VSX2: variants seen among roughly 807,000 people sequenced by gnomAD.
The protein encoded by VSX2 is ceh-10 homeo domain containing homolog.
Under a neutral mutation model 32.1 loss-of-function variants are expected in VSX2, and 28 were observed. The observed-to-expected ratio is 0.87, with a 90% CI of 0.65 to 1.20. VSX2 has a LOEUF of 1.20. Among genes scored for constraint, VSX2 ranks in the 50% most tolerant of loss-of-function variants. The pLI is 0.00. For missense variants in VSX2, 506 were observed against 488.7 expected (o/e 1.04, Z -0.33); for synonymous variants, 243 against 214.1 (o/e 1.14, Z -1.18).
chr14:74,250,926 C>T (rs1190447034), intron 3 of VSX2, among the ~76,000 whole-genome samples: 2 of 151,478 alleles, frequency 1.3e-5, no homozygotes, highest in East Asian at 3.9e-4. Flanking sequence ...AGATTACAGG[C>T]GTGAGCCACC....
rs2079136674 is a variant in VSX2 at position 74,239,787 on chromosome 14, A to C, written c.226A>C (p.Met76Leu). 1 of 1,562,806 alleles carries C rather than the reference A, an allele frequency of 6.4e-7. No individual in the cohort carries two copies. Among genetic ancestry groups the C allele is most frequent in the South Asian group, 1.2e-5 (1 of 84,994 alleles). The change falls in exon 1 of 5, where the codon ATG becomes CTG. Residue 76 changes from methionine to leucine, a missense_variant. Coordinates refer to ENST00000261980, the MANE Select transcript of VSX2 (RefSeq NM_182894.3). ...SVLSPAGVGGMGLLGPGGLPG... is the reference protein window; with the variant it reads ...SVLSPAGVGGLGLLGPGGLPG... ...GCTCAGCCCCGCGGGGGTGGGCGGC[A>C]TGGGGCTTCTGGGGCCCGGGGGGCT...
At chr14:74,241,974 C>G (rs1167301300) in intron 2 of VSX2, among the ~76,000 whole-genome samples, 2 of 151,708 alleles carry the variant, frequency 1.3e-5, no homozygotes, top group African/African-American at 4.9e-5. Context: ...TTGTTTTTGT[C>G]TTTAAATGGA....
At chr14:74,254,075 T>C (rs1392836706) in intron 3 of VSX2, among the ~76,000 whole-genome samples, 4 of 152,134 alleles carry the variant, frequency 2.6e-5, no homozygotes, top group Non-Finnish European at 5.9e-5. Flanking sequence ...TGTGTAGGTG[T>C]TCCCCTGTAC....
rs764789988 is a variant in VSX2 at position 74,239,794 on chromosome 14, T to C, written c.233T>C (p.Leu78Pro). 6.4e-7 allele frequency: 1 copy of C among 1,566,150 alleles called. No individual in the cohort carries two copies. The part of the protein sequence containing the change: ...LSPAGVGGMG[L>P]LGPGGLPGFY... ...CCCGCGGGGGTGGGCGGCATGGGGC[T>C]TCTGGGGCCCGGGGGGCTCCCTGGC... Residue 78 changes from leucine to proline, a missense_variant, in exon 1 of 5, where the codon CTT becomes CCT. Coordinates refer to ENST00000261980, the MANE Select transcript of VSX2 (RefSeq NM_182894.3).
chr14:74,260,150 G>A (rs1319057744), intron 4 of VSX2, among the ~76,000 whole-genome samples: 1 of 152,122 alleles, frequency 6.6e-6, no homozygotes, highest in Non-Finnish European at 1.5e-5. Flanking sequence ...GAACCCCTAG[G>A]TCCCTCTGGC....
intron 1 of VSX2, among the ~76,000 whole-genome samples, chr14:74,240,724 C>T (rs947559882): frequency 1.3e-5 from 2 of 152,212 alleles, no homozygotes; most frequent in Non-Finnish European, 2.9e-5. Flanking sequence ...CATTGTGCCG[C>T]CTTGCGAAAA....
rs989068746 is a variant in VSX2 at position 74,239,957 on chromosome 14, G to A, written c.370+26G>A. 1.3e-5 allele frequency: 20 copies of A among 1,548,420 alleles called. No homozygotes were observed. The African/African-American group carries it at 2.6e-4, about 20-fold the overall frequency. ...GTAGGTGAGGAGAGGTTGCGCTGCT[G>A]CCTGACTGGGGGGCGACAGCCGGGA... is the stretch of plus-strand genomic sequence containing the variant. On this transcript the variant is annotated intron_variant, in intron 1 of 4. Coordinates refer to ENST00000261980, the MANE Select transcript of VSX2 (RefSeq NM_182894.3).
chr14:74,248,347 A>C (rs1353260687), intron 3 of VSX2, among the ~76,000 whole-genome samples: 6 of 139,834 alleles, frequency 4.3e-5, no homozygotes, highest in African/African-American at 7.7e-5. Flanking sequence ...AAAAAAAAAA[A>C]AAAACAAAAA....
intron 2 of VSX2, among the ~76,000 whole-genome samples, chr14:74,243,889 G>A (rs937006785): frequency 6.6e-6 from 1 of 152,076 alleles, no homozygotes; most frequent in African/African-American, 2.4e-5. Context: ...CCAGCAATAA[G>A]GGATTCTACA....
At chr14:74,240,095 G>A (rs1335138647) in intron 1 of VSX2, among the ~76,000 whole-genome samples, 164 bp downstream of exon 1, 2 of 152,216 alleles carry the variant, frequency 1.3e-5, no homozygotes, top group South Asian at 2.1e-4. Flanking sequence ...GATGGGGCCC[G>A]GGAGGATGCT....
At chr14:74,260,487 C>A in intron 4 of VSX2, 107 bp from the exon 5 acceptor site, 1 of 1,165,984 alleles carries the variant, frequency 8.6e-7, no homozygotes, top group Non-Finnish European at 1.3e-6. Context: ...GGGAGTAAGG[C>A]TTTCTGCTCG....
Position 74,262,616 on chromosome 14 carries a change from A to C in VSX2, c.*1697A>C, listed in dbSNP as rs1193998021. The C allele has an allele frequency of 6.6e-6, 1 of 152,256 alleles. No individual in the cohort carries two copies. The highest frequency in any genetic ancestry group is 1.5e-5 in the Non-Finnish European group (1 of 68,050). The allele number at this position is 152,256 out of a possible 1,614,324, so 9.4% of individuals were successfully genotyped here. A position where few individuals can be genotyped will look rare whatever the true frequency, so the allele number is the denominator to read the frequency against. ...AAATAATGTACATAGAGTGAGAAGA[A>C]AGAAACTTGATATTGAGGTGTTTGA... On this transcript the variant is annotated 3_prime_UTR_variant, in exon 5 of 5. Transcript: ENST00000261980.
chr14:74,242,252 G>A (rs1594753538), intron 2 of VSX2, among the ~76,000 whole-genome samples: 1 of 152,094 alleles, frequency 6.6e-6, no homozygotes, highest in African/African-American at 2.4e-5. Flanking sequence ...CCCATCAGGT[G>A]GGGCCGCCAC....
Position 74,239,873 on chromosome 14 carries a change from C to G in VSX2, c.312C>G (p.His104Gln), listed in dbSNP as rs553507941. Residue 104 changes from histidine to glutamine, a missense_variant, in exon 1 of 5, where the codon CAC (histidine) becomes CAG (glutamine). By Grantham distance (24) the His-to-Gln change is conservative. Transcript: ENST00000261980. ...LEVLSDPQSV[H>Q]LQPLGRASGP... is the part of the protein sequence containing the mutation. ...TGCTGTCCGACCCGCAGAGCGTCCA[C>G]TTGCAGCCATTGGGCAGAGCATCGG... The G allele has an allele frequency of 1.3e-6, 2 of 1,576,724 alleles. No homozygotes were observed. The highest frequency in any genetic ancestry group is 2.3e-5 in the South Asian group (2 of 86,138).
At chr14:74,244,929 T>TGTGA (rs1555387789) in intron 2 of VSX2, among the ~76,000 whole-genome samples, 3 of 38,852 alleles carry the variant, frequency 7.7e-5, no homozygotes, top group African/African-American at 2.2e-4. Context: ...TGTGTGTGTG[T>TGTGA]GAAAGAGAGA....
In VSX2 at chr14:74,260,624, C is replaced by G. The variant is rs780624817; in HGVS notation, c.791C>G (p.Ala264Gly). Reference protein sequence around the residue: ...GMHKKSLEAAAESGRKPEGER... With the variant: ...GMHKKSLEAAGESGRKPEGER... ...CACAAAAAGTCGCTGGAGGCAGCAG[C>G]CGAGTCGGGGAGGAAGCCCGAGGGG... Residue 264 changes from alanine to glycine, a missense_variant, in exon 5 of 5, where the codon GCC becomes GGC. Coordinates refer to ENST00000261980, the MANE Select transcript of VSX2 (RefSeq NM_182894.3). 1 of 1,606,590 alleles carries G rather than the reference C, an allele frequency of 6.2e-7. No individual in the cohort carries two copies. Among genetic ancestry groups the G allele is most frequent in the South Asian group, 1.1e-5 (1 of 89,316 alleles).
rs140063404 is a variant in VSX2 at position 74,254,192 on chromosome 14, C to T, written c.580-5410C>T. ...TGGGAGGCCAAGGCGGGCAGATCACCTGAGGTCAGGAGTTCAAGACCAGCC... is the reference window on the plus strand; with the variant it reads ...TGGGAGGCCAAGGCGGGCAGATCACTTGAGGTCAGGAGTTCAAGACCAGCC... On this transcript the variant is annotated intron_variant, in intron 3 of 4. Transcript: ENST00000261980. Among the ~76,000 whole-genome samples, 29 of 151,894 alleles carry T rather than the reference C, an allele frequency of 1.9e-4. 2 individuals are homozygous for T. The highest frequency in any genetic ancestry group is 7.0e-4 in the African/African-American group (29 of 41,434).
At position 74,246,761 on chromosome 14, in the gene VSX2, A is replaced by C. The variant is rs538073911; in HGVS notation, c.579+1473A>C. 2.0e-4 allele frequency among the ~76,000 whole-genome samples: 31 copies of C among 152,230 alleles called. No homozygotes were observed. In the East Asian group the frequency reaches 6.0e-3, roughly 29 times the overall value. The stretch of plus-strand genomic sequence containing the variant: ...TGTTGGCAGGCCCCACATTTGCGGT[A>C]TTGACCAGAATGAAGGAATAGCTTG... On this transcript the variant is annotated intron_variant, in intron 3 of 4. Transcript: ENST00000261980.
chr14:74,246,871 G>T (rs2079195306), intron 3 of VSX2, among the ~76,000 whole-genome samples: 1 of 152,078 alleles, frequency 6.6e-6, no homozygotes, highest in South Asian at 2.1e-4. Flanking sequence ...GCTGAGCTCA[G>T]GATTTGGGGG....
Sources: gnomAD v4.1 joint callset for allele counts (sites outside exome capture counted in the v4.1 genomes callset) on GRCh38, gnomAD v4.1.1 for gene constraint, MANE v1.5 for transcripts, NCBI Gene and HGNC (gene_info 2026-07-23, HGNC 2026-07-21) for gene names.